The following PRR11 variants were observed in gnomAD, a reference collection of about 807,000 sequenced individuals.
The protein encoded by PRR11 is proline-rich protein 11.
In PRR11, 30 loss-of-function variants were observed where a neutral mutation model predicts 45.6. That is an observed-to-expected ratio of 0.66 (90% CI 0.49 to 0.89). The LOEUF (loss-of-function observed/expected upper bound fraction) is 0.89. PRR11 is among the 40% of genes least tolerant of loss of function. PRR11 has a pLI of 0.00. For synonymous variants in PRR11, 128 were observed against 153.5 expected, an observed-to-expected ratio of 0.83 and a Z score of 1.23; for missense variants, 373 against 424.8, an observed-to-expected ratio of 0.88 and a Z score of 1.07.
chr17:59,158,911 C>G (rs1449468078), intron 1 of PRR11, among the ~76,000 whole-genome samples: 1 of 152,218 alleles, frequency 6.6e-6, no homozygotes, highest in East Asian at 1.9e-4. Context: ...ACCTCCACCT[C>G]CTAGATTCAA....
intron 2 of PRR11, among the ~76,000 whole-genome samples, chr17:59,183,636 C>T (rs2046799604): frequency 1.3e-5 from 2 of 152,096 alleles, no homozygotes; most frequent in South Asian, 4.1e-4. Context: ...AATGGTGTCC[C>T]CAGTTTCAGG....
chr17:59,188,953 A>ATAG (rs1015178132), intron 4 of PRR11, among the ~76,000 whole-genome samples: 1 of 148,802 alleles, frequency 6.7e-6, no homozygotes, highest in African/African-American at 2.5e-5. Flanking sequence ...AATAATAATA[A>ATAG]TAATAATAAT....
rs1486402472 is a variant in PRR11, at chr17:59,185,042, T to G, written c.129-12T>G. On this transcript the variant is annotated splice_polypyrimidine_tract_variant and intron_variant, in intron 2 of 9. Transcript: ENST00000262293. ...GGGGTTTTTTATTTGTTTCATTTTG[T>G]TTTTCCTACAGAGTCGGTATTTCTT... The G allele has an allele frequency of 5.6e-6, 9 of 1,610,506 alleles. No individual in the cohort carries two copies. The highest frequency in any genetic ancestry group is 6.8e-6 in the Non-Finnish European group (8 of 1,178,184).
chr17:59,200,578 T>C (rs1016516351), intron 9 of PRR11, among the ~76,000 whole-genome samples: 4 of 152,204 alleles, frequency 2.6e-5, no homozygotes, highest in African/African-American at 4.8e-5. Context: ...CTGCAAGCTC[T>C]GCCTCCTGGG....
intron 2 of PRR11, among the ~76,000 whole-genome samples, chr17:59,183,685 G>T (rs866076599): frequency 3.3e-5 from 5 of 152,112 alleles, no homozygotes; most frequent in African/African-American, 1.2e-4. Context: ...CTCCAGTTCG[G>T]CTAAGAAACT....
In PRR11 at chr17:59,193,497, C is replaced by G. The variant is rs1568326591; in HGVS notation, c.408C>G (p.Ile136Met). The G allele has an allele frequency of 1.2e-6, 2 of 1,614,066 alleles. No homozygotes were observed. Among genetic ancestry groups the G allele is most frequent in the Non-Finnish European group, 1.7e-6 (2 of 1,180,024 alleles). Reference sequence around the variant, plus strand: ...AATGTGATGTCTTCTTCCAGACCATCTCAGAAAGTTCTTCCTGTCCAAGCT... The same window carrying G: ...AATGTGATGTCTTCTTCCAGACCATGTCAGAAAGTTCTTCCTGTCCAAGCT... ...LCKLQEALKT[I>M]SESSSCPSCG... The change falls in exon 5 of 10, where the codon ATC becomes ATG. Residue 136 changes from isoleucine (I) to methionine (M), a missense_variant. Transcript: ENST00000262293.
At chr17:59,163,208 A>C (rs1468141162) in intron 1 of PRR11, among the ~76,000 whole-genome samples, 1 of 152,056 alleles carries the variant, frequency 6.6e-6, no homozygotes, top group East Asian at 1.9e-4. Context: ...CTCCTGCCTC[A>C]GCCTCCCAGA....
intron 2 of PRR11, chr17:59,174,854 C>T: frequency 7.9e-7 from 1 of 1,259,202 alleles, no homozygotes; most frequent in Non-Finnish European, 1.1e-6. Flanking sequence ...AACAAACGCC[C>T]CTTAAGAAGA....
intron 9 of PRR11, 119 bp downstream of exon 9, chr17:59,197,908 C>T (rs2046874646): frequency 3.5e-6 from 3 of 852,868 alleles, no homozygotes; most frequent in Non-Finnish European, 5.6e-6. Flanking sequence ...TTGCTTGAGC[C>T]TAGCAGTTCA....
Position 59,204,357 on chromosome 17 carries a change from C to T in PRR11, c.*2726C>T. The stretch of plus-strand genomic sequence containing the variant: ...GTTGCAGTGAGCTGAGATTGTGCCA[C>T]TGTATTCCATCCTGGGCAACAGAGC... On this transcript the variant is annotated 3_prime_UTR_variant, in exon 10 of 10. Transcript: ENST00000262293. 1 of 132,848 alleles carries T rather than the reference C, an allele frequency of 7.5e-6. No individual in the cohort carries two copies. Among genetic ancestry groups the T allele is most frequent in the Non-Finnish European group, 1.5e-5 (1 of 65,852 alleles). 8.2% of individuals were successfully genotyped at this position (132,848 alleles called of 1,614,324 possible). A position where few individuals can be genotyped will look rare whatever the true frequency, so the allele number is the denominator to read the frequency against.
intron 4 of PRR11, among the ~76,000 whole-genome samples, chr17:59,192,554 T>C (rs959693157): frequency 2.0e-5 from 3 of 152,172 alleles, no homozygotes; most frequent in Non-Finnish European, 2.9e-5. Flanking sequence ...TGTGGCTTCT[T>C]GGTTAGTTTC....
At chr17:59,178,205 A>G (rs554700830) in intron 2 of PRR11, among the ~76,000 whole-genome samples, 6 of 151,834 alleles carry the variant, frequency 4.0e-5, no homozygotes, top group African/African-American at 1.2e-4. Context: ...ATGGTGGTGC[A>G]TGCCTGTAAT....
intron 1 of PRR11, among the ~76,000 whole-genome samples, chr17:59,163,321 G>T (rs2046663112): frequency 6.6e-6 from 1 of 152,180 alleles, no homozygotes; most frequent in Non-Finnish European, 1.5e-5. Context: ...GACCTCAGGT[G>T]ATCCTCCTGC....
intron 2 of PRR11, among the ~76,000 whole-genome samples, chr17:59,180,493 C>CTTTTTTTTTTTTT (rs757636718): frequency 8.5e-6 from 1 of 118,244 alleles, no homozygotes; most frequent in African/African-American, 4.7e-5. Context: ...TGGGCCCGTC[C>CTTTTTTTTTTTTT]TTGTTTTTTT....
At chr17:59,188,575 G>A (rs958928886) in intron 4 of PRR11, among the ~76,000 whole-genome samples, 11 of 152,044 alleles carry the variant, frequency 7.2e-5, no homozygotes, top group African/African-American at 2.4e-4. Flanking sequence ...AGGTAGTTCT[G>A]TATGTACTAA....
At chr17:59,175,363 G>C in intron 2 of PRR11, among the ~76,000 whole-genome samples, 1 of 152,342 alleles carries the variant, frequency 6.6e-6, no homozygotes, top group East Asian at 1.9e-4. Context: ...GGTGGCTTAC[G>C]CCTGGAATCC....
chr17:59,197,719 A>G lies in PRR11; in HGVS notation c.944A>G (p.Asn315Ser). ...ERSPGGTPLT[N>S]KENMETGTGL... ...AGCCCAGGTGGAACCCCTCTTACCA[A>G]TAAGGAAAATATGGAAACAGGAACA... Residue 315 changes from asparagine to serine, a missense_variant, in exon 9 of 10, where the codon AAT (asparagine) becomes AGT (serine). Physicochemically the swap from Asn to Ser is conservative, Grantham distance 46. Coordinates refer to ENST00000262293, the MANE Select transcript of PRR11 (RefSeq NM_018304.4). 6.2e-7 allele frequency: 1 copy of G among 1,614,082 alleles called. No individual in the cohort carries two copies. The highest frequency in any genetic ancestry group is 8.5e-7 in the Non-Finnish European group (1 of 1,180,004).
chr17:59,195,781 A>T (rs2046863003), intron 7 of PRR11, among the ~76,000 whole-genome samples: 1 of 152,098 alleles, frequency 6.6e-6, no homozygotes, highest in Admixed American at 6.6e-5. Flanking sequence ...AAAAAGATAT[A>T]CTATCAAGAA....
intron 2 of PRR11, among the ~76,000 whole-genome samples, chr17:59,172,621 T>C (rs1008821545): frequency 5.9e-5 from 9 of 152,200 alleles, no homozygotes; most frequent in Admixed American, 2.6e-4. Flanking sequence ...CTCTGAGCTG[T>C]CGGCTGCCCC....
Sources: allele counts gnomAD v4.1 joint callset (sites outside exome capture counted in the v4.1 genomes callset), GRCh38; gene constraint gnomAD v4.1.1; transcripts MANE v1.5; gene names NCBI Gene and HGNC (gene_info 2026-07-23, HGNC 2026-07-21).